Variants in DLGAP2 observed in about 807,000 individuals in gnomAD.
DLGAP2 encodes the protein disks large-associated protein 2.
In DLGAP2, 26 loss-of-function variants were observed where a neutral mutation model predicts 100.3. That is an observed-to-expected ratio of 0.26 (90% CI 0.19 to 0.36). The LOEUF is 0.36. Among genes scored for constraint, DLGAP2 ranks in the 10% least tolerant of loss-of-function variants. DLGAP2 has a pLI of 1.00. For synonymous variants in DLGAP2, 886 were observed against 630.1 expected, an observed-to-expected ratio of 1.41 and a Z score of -6.08; for missense variants, 1,858 against 1,453.2, an observed-to-expected ratio of 1.28 and a Z score of -4.53.
chr8:1,696,007 G>A (rs931553760), intron 13 of DLGAP2, among the ~76,000 whole-genome samples: 4 of 152,246 alleles, frequency 2.6e-5, no homozygotes, highest in African/African-American at 7.2e-5. Context: ...GCGGAGGGCA[G>A]CTGGGGGCCC....
chr8:903,046 G>A (rs1019528523), intron 1 of DLGAP2, among the ~76,000 whole-genome samples: 1 of 149,498 alleles, frequency 6.7e-6, no homozygotes, highest in Admixed American at 6.7e-5. Flanking sequence ...CGGGTGGACG[G>A]GGGCGGTGGG....
chr8:1,266,575 C>T (rs1023759904), intron 3 of DLGAP2, among the ~76,000 whole-genome samples: 2 of 152,210 alleles, frequency 1.3e-5, no homozygotes, highest in Non-Finnish European at 1.5e-5. Context: ...CATTCATAAT[C>T]TTGCCCCTAC....
chr8:1,222,055 C>A (rs1411409188), intron 2 of DLGAP2, among the ~76,000 whole-genome samples: 1 of 152,188 alleles, frequency 6.6e-6, no homozygotes, highest in South Asian at 2.1e-4. Flanking sequence ...TCTGTGCCAT[C>A]CAGATTCTGA....
At position 1,194,316 on chromosome 8, in the gene DLGAP2, G is replaced by A. The variant is rs776226299; in HGVS notation, c.74-64535G>A. Among the ~76,000 whole-genome samples, 98 of 152,192 alleles carry A rather than the reference G, an allele frequency of 6.4e-4. 1 individual carries two copies. Among genetic ancestry groups the A allele is most frequent in the Non-Finnish European group, 9.1e-4 (62 of 68,010 alleles). ...GACAAGCAGACGTTGGCAGTGCCGC[G>A]TCCCGGCTGGTGGAGGGAGCCCGGA... is the stretch of plus-strand genomic sequence containing the variant. On this transcript the variant is annotated intron_variant, in intron 2 of 14. Coordinates refer to ENST00000637795, the MANE Select transcript of DLGAP2 (RefSeq NM_001346810.2).
chr8:770,295 G>A (rs904459169), intron 1 of DLGAP2, among the ~76,000 whole-genome samples: 1 of 152,154 alleles, frequency 6.6e-6, no homozygotes, highest in African/African-American at 2.4e-5. Context: ...GGATGGAGGT[G>A]TGAGGGAGGC....
At chr8:1,084,233 A>T (rs1336149017) in intron 2 of DLGAP2, among the ~76,000 whole-genome samples, 1 of 152,212 alleles carries the variant, frequency 6.6e-6, no homozygotes, top group Non-Finnish European at 1.5e-5. Context: ...GTGTTTTTTA[A>T]AATGTATTCA....
chr8:1,665,704 C>T (rs1354154305), intron 8 of DLGAP2, among the ~76,000 whole-genome samples: 2 of 152,252 alleles, frequency 1.3e-5, no homozygotes, highest in Non-Finnish European at 2.9e-5. Flanking sequence ...CATTGAGAGC[C>T]CCCGTCCGCA....
At chr8:1,298,910 C>G (rs1800260460) in intron 3 of DLGAP2, among the ~76,000 whole-genome samples, 1 of 151,814 alleles carries the variant, frequency 6.6e-6, no homozygotes, top group Admixed American at 6.6e-5. Flanking sequence ...GGGGGAGAAC[C>G]CGGGGGGAGA....
At chr8:1,216,072 G>C in intron 2 of DLGAP2, among the ~76,000 whole-genome samples, 1 of 152,214 alleles carries the variant, frequency 6.6e-6, no homozygotes, top group East Asian at 1.9e-4. Context: ...TTGGCTCCAA[G>C]TTTGAATTAC....
intron 2 of DLGAP2, among the ~76,000 whole-genome samples, chr8:925,578 C>T (rs934210146): frequency 5.3e-5 from 8 of 152,076 alleles, no homozygotes; most frequent in Non-Finnish European, 8.8e-5. Context: ...GACGGAGTAA[C>T]CCTGTGGGCT....
intron 6 of DLGAP2, among the ~76,000 whole-genome samples, chr8:1,609,573 A>G (rs1205871895): frequency 7.6e-6 from 1 of 132,414 alleles, no homozygotes; most frequent in African/African-American, 2.6e-5. Context: ...AAATGCTCCA[A>G]TTAAAAGACA....
intron 2 of DLGAP2, among the ~76,000 whole-genome samples, chr8:1,039,156 GCGTGGT>G (rs1802219816): frequency 2.6e-5 from 2 of 76,450 alleles, no homozygotes; most frequent in Non-Finnish European, 7.0e-5. Context: ...ATGTGGAAAT[GCGTGGT>G]CAGCTCGGTG....
chr8:1,049,684 C>A (rs1802616585), intron 2 of DLGAP2, among the ~76,000 whole-genome samples: 2 of 152,026 alleles, frequency 1.3e-5, no homozygotes, highest in Non-Finnish European at 2.9e-5. Flanking sequence ...TGAATACAGA[C>A]CCATGCATGC....
chr8:1,046,803 A>G (rs1174516815), intron 2 of DLGAP2, among the ~76,000 whole-genome samples: 1 of 150,694 alleles, frequency 6.6e-6, no homozygotes, highest in South Asian at 2.1e-4. Context: ...GATTTATTAA[A>G]TTTTCTGCTG....
chr8:785,258 G>T (rs1317091332), intron 1 of DLGAP2, among the ~76,000 whole-genome samples: 1 of 124,000 alleles, frequency 8.1e-6, no homozygotes, highest in Admixed American at 8.2e-5. Flanking sequence ...AAAAAGGCAC[G>T]TCCTGACACT....
At chr8:829,064 C>G (rs1796734293) in intron 1 of DLGAP2, among the ~76,000 whole-genome samples, 1 of 152,060 alleles carries the variant, frequency 6.6e-6, no homozygotes, top group East Asian at 1.9e-4. Flanking sequence ...TTAAATTAAA[C>G]CCATGAGTCC....
intron 8 of DLGAP2, among the ~76,000 whole-genome samples, chr8:1,635,490 A>T (rs1241560094): frequency 1.3e-5 from 2 of 152,188 alleles, no homozygotes; most frequent in African/African-American, 4.8e-5. Flanking sequence ...TGATCCATGT[A>T]TACATGTGTG....
chr8:1,533,379 A>G lies in DLGAP2; in HGVS notation c.173-15247A>G, dbSNP rs1313394825. Among the ~76,000 whole-genome samples the G allele has an allele frequency of 2.6e-5, 4 of 151,648 alleles. No individual in the cohort carries two copies. The South Asian group carries it at 6.2e-4, about 24-fold the overall frequency. On this transcript the variant is annotated intron_variant, in intron 4 of 14. Coordinates refer to ENST00000637795, the MANE Select transcript of DLGAP2 (RefSeq NM_001346810.2). The stretch of plus-strand genomic sequence containing the variant: ...AAATTAGCCGGGCGTTGTGGCGGGC[A>G]CCTGTAGTCCGAGCTACTCGGCAGG...
At chr8:902,376 A>G (rs182442232) in intron 1 of DLGAP2, among the ~76,000 whole-genome samples, 1 of 149,248 alleles carries the variant, frequency 6.7e-6, no homozygotes, top group Non-Finnish European at 1.5e-5. Context: ...GGGCACTCCA[A>G]GGGCAGCCGG....
Sources: allele counts gnomAD v4.1 joint callset (sites outside exome capture counted in the v4.1 genomes callset), GRCh38; gene constraint gnomAD v4.1.1; transcripts MANE v1.5; gene names NCBI Gene and HGNC (gene_info 2026-07-23, HGNC 2026-07-21).